The following RABGAP1L variants were observed in gnomAD, a reference collection of about 807,000 sequenced individuals.
RABGAP1L encodes rab GTPase-activating protein 1-like.
In RABGAP1L, 63 loss-of-function variants were observed where a neutral mutation model predicts 137.7. The ratio of observed to expected loss-of-function variants is 0.46; its 90% CI spans 0.37 to 0.56. The LOEUF is 0.56. Among genes scored for constraint, RABGAP1L ranks in the 20% least tolerant of loss-of-function variants. The pLI is 0.00. For missense variants in RABGAP1L, 1,095 were observed against 1,244.0 expected (o/e 0.88, Z 1.80); for synonymous variants, 431 against 433.7 (o/e 0.99, Z 0.08).
intron 19 of RABGAP1L, among the ~76,000 whole-genome samples, chr1:174,893,992 T>C (rs1656710509): frequency 6.6e-6 from 1 of 152,160 alleles, no homozygotes; most frequent in Non-Finnish European, 1.5e-5. Context: ...ATCCTAAAAA[T>C]TACACTGGAG....
chr1:174,970,422 A>C (rs1670034282), intron 21 of RABGAP1L, among the ~76,000 whole-genome samples: 2 of 152,250 alleles, frequency 1.3e-5, no homozygotes, highest in African/African-American at 4.8e-5. Context: ...GGCTGACTAA[A>C]TGAAACAATT....
At chr1:174,686,360 A>G (rs1431717597) in intron 15 of RABGAP1L, among the ~76,000 whole-genome samples, 2 of 151,770 alleles carry the variant, frequency 1.3e-5, no homozygotes, top group Non-Finnish European at 2.9e-5. Flanking sequence ...TCTTCTTGTT[A>G]TCCTTCTTTC....
intron 18 of RABGAP1L, 66 bp from the exon 19 acceptor site, chr1:174,811,766 T>C (rs1689891334): frequency 1.5e-6 from 2 of 1,372,850 alleles, no homozygotes; most frequent in African/African-American, 2.9e-5. Flanking sequence ...ATAAATTCTT[T>C]TTGAAATATA....
At chr1:174,460,805 T>G (rs2149280311) in intron 13 of RABGAP1L, among the ~76,000 whole-genome samples, 1 of 151,936 alleles carries the variant, frequency 6.6e-6, no homozygotes, top group East Asian at 1.9e-4. Context: ...TTCTTTGCAA[T>G]TTTTTTTCTT....
At chr1:174,621,491 G>T (rs1672464746) in intron 13 of RABGAP1L, among the ~76,000 whole-genome samples, 1 of 152,136 alleles carries the variant, frequency 6.6e-6, no homozygotes. Context: ...GCATGGTACT[G>T]GTAGCAAAAC....
chr1:174,941,135 T>A (rs1385632133), intron 19 of RABGAP1L, among the ~76,000 whole-genome samples: 1 of 152,230 alleles, frequency 6.6e-6, no homozygotes. Context: ...AATAACAAGT[T>A]GTTCCTTCCA....
chr1:174,283,658 C>A (rs1295120649), intron 10 of RABGAP1L, among the ~76,000 whole-genome samples: 1 of 152,050 alleles, frequency 6.6e-6, no homozygotes, highest in East Asian at 1.9e-4. Context: ...AGGTACCCAC[C>A]ACCACGCCTG....
At position 174,219,242 on chromosome 1, in the gene RABGAP1L, C is replaced by A; in HGVS notation, c.85C>A (p.Pro29Thr). 1 of 1,603,238 alleles carries A rather than the reference C, an allele frequency of 6.2e-7. No individual in the cohort carries two copies. The highest frequency in any genetic ancestry group is 8.5e-7 in the Non-Finnish European group (1 of 1,173,898). ...GAACAGTGAAGAATTTGTTTTGGTT[C>A]CTCAGTATGCAGATGATAATTCTAC... Reference protein sequence around the residue: ...TMNSEEFVLVPQYADDNSTKH... With the variant: ...TMNSEEFVLVTQYADDNSTKH... The change falls in exon 2 of 26, where the codon CCT becomes ACT. Residue 29 changes from proline to threonine, a missense_variant. Pro to Thr is a conservative substitution (Grantham distance 38, BLOSUM62 -1). This residue lies in a region of RABGAP1L where 356 missense variants were observed against 326.3 expected (regional missense o/e 1.09). Coordinates refer to ENST00000681986, the MANE Select transcript of RABGAP1L (RefSeq NM_001366446.1).
chr1:174,829,875 CAT>C (rs1402619790), intron 19 of RABGAP1L, among the ~76,000 whole-genome samples: 1 of 148,358 alleles, frequency 6.7e-6, no homozygotes, highest in Non-Finnish European at 1.5e-5. Flanking sequence ...CAAAGACTGT[CAT>C]GAGTATATCT....
intron 19 of RABGAP1L, among the ~76,000 whole-genome samples, chr1:174,879,513 G>A (rs554410041): frequency 1.3e-5 from 2 of 152,132 alleles, no homozygotes; most frequent in South Asian, 4.1e-4. Context: ...GATTGCAGGT[G>A]TGAGCCACTG....
At chr1:174,519,656 T>C (rs1395855205) in intron 13 of RABGAP1L, among the ~76,000 whole-genome samples, 1 of 152,156 alleles carries the variant, frequency 6.6e-6, no homozygotes, top group Non-Finnish European at 1.5e-5. Flanking sequence ...AACAGGAAAA[T>C]ATCCATGATT....
At chr1:174,177,508 G>A (rs1022376776) in intron 1 of RABGAP1L, among the ~76,000 whole-genome samples, 1 of 152,000 alleles carries the variant, frequency 6.6e-6, no homozygotes, top group South Asian at 2.1e-4. Context: ...GTCAATTTTG[G>A]GTTTTATTAA....
At chr1:174,365,644 G>T (rs1437340084) in intron 11 of RABGAP1L, among the ~76,000 whole-genome samples, 1 of 152,170 alleles carries the variant, frequency 6.6e-6, no homozygotes, top group Non-Finnish European at 1.5e-5. Context: ...AAGTCCCCCA[G>T]TTGCTGTGTT....
intron 13 of RABGAP1L, among the ~76,000 whole-genome samples, chr1:174,597,813 C>T (rs754131193): frequency 6.6e-6 from 1 of 152,080 alleles, no homozygotes; most frequent in East Asian, 1.9e-4. Flanking sequence ...CTCAGTATTG[C>T]TTTCACTGTA....
At chr1:174,971,789 G>A (rs1224121255) in intron 21 of RABGAP1L, among the ~76,000 whole-genome samples, 1 of 152,178 alleles carries the variant, frequency 6.6e-6, no homozygotes, top group African/African-American at 2.4e-5. Context: ...AGTTTGCCCA[G>A]TACTTTCCCA....
At chr1:174,290,822 C>T (rs1050562295) in intron 10 of RABGAP1L, among the ~76,000 whole-genome samples, 24 of 150,034 alleles carry the variant, frequency 1.6e-4, no homozygotes, top group Middle Eastern at 3.4e-3. Context: ...AGTGCAATGG[C>T]GAGATCTCGG....
At chr1:174,647,643 A>C (rs1675087542) in intron 14 of RABGAP1L, among the ~76,000 whole-genome samples, 1 of 152,026 alleles carries the variant, frequency 6.6e-6, no homozygotes, top group Non-Finnish European at 1.5e-5. Flanking sequence ...ATTGATGTTC[A>C]TCGGGGGTAT....
At chr1:174,913,873 G>GA (rs760213071) in intron 19 of RABGAP1L, among the ~76,000 whole-genome samples, 4 of 152,098 alleles carry the variant, frequency 2.6e-5, no homozygotes, top group Non-Finnish European at 5.9e-5. Flanking sequence ...ACACTCAAAA[G>GA]AAACAAATTC....
chr1:174,277,747 C>A (rs1343893555), intron 9 of RABGAP1L, among the ~76,000 whole-genome samples: 1 of 152,034 alleles, frequency 6.6e-6, no homozygotes, highest in African/African-American at 2.4e-5. Context: ...GCACTAAGAT[C>A]CAGTTGAATG....
Sources: gnomAD v4.1 joint callset for allele counts (sites outside exome capture counted in the v4.1 genomes callset) on GRCh38, gnomAD v4.1.1 for gene constraint, gnomAD v4.1.1 regional missense constraint, MANE v1.5 for transcripts, NCBI Gene and HGNC (gene_info 2026-07-23, HGNC 2026-07-21) for gene names.